Variants in ARHGAP32 observed in about 807,000 individuals in gnomAD.
ARHGAP32 encodes the protein Rho GTPase activating protein 32, also known as rho GTPase-activating protein 32.
In ARHGAP32, 51 loss-of-function variants were observed where a neutral mutation model predicts 186.5. That is an observed-to-expected ratio of 0.27 (90% CI 0.22 to 0.35). ARHGAP32 has a LOEUF of 0.35. Among genes scored for constraint, ARHGAP32 ranks in the 10% least tolerant of loss-of-function variants. ARHGAP32 has a pLI of 1.00. For missense variants in ARHGAP32, 2,186 were observed against 2,623.5 expected (o/e 0.83, Z 3.64); for synonymous variants, 950 against 964.3 (o/e 0.99, Z 0.27).
rs771961648 is a variant in ARHGAP32 at position 128,971,164 on chromosome 11, T to C, written c.4054-5A>G. On this transcript the variant is annotated splice_region_variant and splice_polypyrimidine_tract_variant and intron_variant, in intron 22 of 22. Coordinates refer to ENST00000682385, the MANE Select transcript of ARHGAP32 (RefSeq NM_001378024.1). ...AACTGGAACTACTCCTTGAACCTAT[T>C]GAAAGATGATAATACTATGGGTCTA... 3 of 1,600,322 alleles carry C rather than the reference T, an allele frequency of 1.9e-6. No individual in the cohort carries two copies. Among genetic ancestry groups the C allele is most frequent in the Admixed American group, 3.4e-5 (2 of 59,250 alleles).
At position 128,981,412 on chromosome 11, in the gene ARHGAP32, G is replaced by C. The variant is rs200623040; in HGVS notation, c.1780+4C>G. 22 of 1,595,166 alleles carry C rather than the reference G, an allele frequency of 1.4e-5. No individual in the cohort carries two copies. The highest frequency in any genetic ancestry group is 1.6e-5 in the Non-Finnish European group (19 of 1,167,830). ...CCTGGTAGGAAGGGCCATCGGAGCC[G>C]TACCTGCCCCCTCTTGCATGGCCAT... On this transcript the variant is annotated splice_donor_region_variant and intron_variant, in intron 17 of 22. Transcript: ENST00000682385.
chr11:129,069,659 G>A (rs767039112), intron 6 of ARHGAP32, among the ~76,000 whole-genome samples: 4 of 151,984 alleles, frequency 2.6e-5, no homozygotes, highest in African/African-American at 9.7e-5. Flanking sequence ...CAACATTATT[G>A]TTTTGGAATA....
chr11:129,203,849 G>A (rs546076207), intron 1 of ARHGAP32, among the ~76,000 whole-genome samples: 1 of 149,832 alleles, frequency 6.7e-6, no homozygotes, highest in South Asian at 2.1e-4. Flanking sequence ...GGTGAGCTGT[G>A]ATTGTGCCAC....
intron 6 of ARHGAP32, among the ~76,000 whole-genome samples, chr11:129,077,782 T>C (rs1012222743): frequency 1.3e-5 from 2 of 152,082 alleles, no homozygotes; most frequent in South Asian, 2.1e-4. Flanking sequence ...AAACTACTTA[T>C]CCAGGAGACC....
chr11:129,067,721 G>T (rs1940741718), intron 6 of ARHGAP32, among the ~76,000 whole-genome samples: 1 of 152,018 alleles, frequency 6.6e-6, no homozygotes, highest in African/African-American at 2.4e-5. Flanking sequence ...TTTATGTAGA[G>T]CCTTTTGGCT....
At chr11:129,260,917 TCAAA>T (rs1945313010) in intron 1 of ARHGAP32, among the ~76,000 whole-genome samples, 1 of 152,160 alleles carries the variant, frequency 6.6e-6, no homozygotes, top group Admixed American at 6.6e-5. Context: ...GCTGAAAGGA[TCAAA>T]CAACTTTGCC....
chr11:129,027,055 C>T (rs551207280), intron 11 of ARHGAP32, among the ~76,000 whole-genome samples: 8 of 150,102 alleles, frequency 5.3e-5, no homozygotes, highest in South Asian at 4.2e-4. Flanking sequence ...GCCGAGATCA[C>T]GCCACTGCAC....
intron 1 of ARHGAP32, among the ~76,000 whole-genome samples, chr11:129,171,178 G>C (rs1484979263): frequency 1.3e-5 from 2 of 152,182 alleles, no homozygotes; most frequent in Non-Finnish European, 2.9e-5. Flanking sequence ...TGTTTAATTA[G>C]ATCCCATTTG....
At chr11:129,141,132 A>G (rs1412416277) in intron 2 of ARHGAP32, among the ~76,000 whole-genome samples, 1 of 152,218 alleles carries the variant, frequency 6.6e-6, no homozygotes, top group Non-Finnish European at 1.5e-5. Context: ...ATAAAATTGT[A>G]TATTGTCCAT....
At chr11:129,107,158 T>C (rs1211925917) in intron 5 of ARHGAP32, among the ~76,000 whole-genome samples, 1 of 152,170 alleles carries the variant, frequency 6.6e-6, no homozygotes, top group Non-Finnish European at 1.5e-5. Flanking sequence ...GGATGATACA[T>C]TTAAAATACT....
At chr11:129,045,073 G>A (rs1187924897) in intron 10 of ARHGAP32, among the ~76,000 whole-genome samples, 1 of 152,090 alleles carries the variant, frequency 6.6e-6, no homozygotes, top group African/African-American at 2.4e-5. Flanking sequence ...TCTACAGTAG[G>A]CTCACCTAAT....
rs564537177 is a variant in ARHGAP32, at chr11:129,222,650, T to C, written c.-5+56496A>G. Among the ~76,000 whole-genome samples, 7 of 152,318 alleles carry C rather than the reference T, an allele frequency of 4.6e-5. No individual in the cohort carries two copies. The South Asian group carries it at 1.0e-3, about 23-fold the overall frequency. ...ACAGAAATACACCTGGGAAAACCTG[T>C]TGTCACTGTTCTCATTCACAACCTA... On this transcript the variant is annotated intron_variant, in intron 1 of 6. Transcript: ENST00000525234.
upstream of ARHGAP32, among the ~76,000 whole-genome samples, chr11:129,196,852 T>C (rs868611535): frequency 2.0e-5 from 3 of 152,144 alleles, no homozygotes; most frequent in Middle Eastern, 3.4e-3. Flanking sequence ...AGGTCTGGAG[T>C]TCGAGACCAG....
chr11:129,035,779 G>T (rs1939306450), intron 11 of ARHGAP32, among the ~76,000 whole-genome samples: 1 of 151,930 alleles, frequency 6.6e-6, no homozygotes, highest in Admixed American at 6.6e-5. Context: ...GGAAGGCGGA[G>T]GTTGCAGTGA....
At chr11:129,088,855 A>G (rs1941487789) in intron 6 of ARHGAP32, among the ~76,000 whole-genome samples, 2 of 152,046 alleles carry the variant, frequency 1.3e-5, no homozygotes, top group South Asian at 4.1e-4. Flanking sequence ...CCTGGGCAAC[A>G]CAGCAAAACC....
At chr11:129,114,215 G>C (rs1942302711) in intron 5 of ARHGAP32, among the ~76,000 whole-genome samples, 1 of 152,084 alleles carries the variant, frequency 6.6e-6, no homozygotes, top group Admixed American at 6.6e-5. Flanking sequence ...ACTTATAAGA[G>C]GGAGCTGAAC....
intron 1 of ARHGAP32, among the ~76,000 whole-genome samples, chr11:129,207,847 G>A (rs552685563): frequency 3.9e-5 from 6 of 152,238 alleles, no homozygotes; most frequent in African/African-American, 1.2e-4. Context: ...ATCTGTTCTT[G>A]CAACATATTA....
chr11:129,047,159 GTTTA>G (rs1055814711), intron 10 of ARHGAP32, among the ~76,000 whole-genome samples: 3 of 152,002 alleles, frequency 2.0e-5, no homozygotes, highest in Non-Finnish European at 4.4e-5. Context: ...TCTTCTATTG[GTTTA>G]TTTATTTAAT....
intron 12 of ARHGAP32, among the ~76,000 whole-genome samples, chr11:128,992,798 A>G (rs1328242275): frequency 6.6e-6 from 1 of 152,130 alleles, no homozygotes; most frequent in Non-Finnish European, 1.5e-5. Flanking sequence ...AAAACAAAAC[A>G]AAACAAAAGG....
Sources: gnomAD v4.1 joint callset for allele counts (sites outside exome capture counted in the v4.1 genomes callset) on GRCh38, gnomAD v4.1.1 for gene constraint, MANE v1.5 for transcripts, NCBI Gene and HGNC (gene_info 2026-07-23, HGNC 2026-07-21) for gene names.